Variants in VWA8 observed in about 807,000 individuals in gnomAD.
The protein encoded by VWA8 is von Willebrand factor A domain containing 8.
Under a neutral mutation model 241.5 loss-of-function variants are expected in VWA8, and 221 were observed. That is an observed-to-expected ratio of 0.91 (90% CI 0.82 to 1.02). VWA8 has a LOEUF of 1.02. VWA8 is among the 50% of genes least tolerant of loss of function. The pLI is 0.00. For missense variants in VWA8, 2,322 were observed against 2,328.7 expected, an observed-to-expected ratio of 1.00 and a Z score of 0.06; for synonymous variants, 852 against 827.1, an observed-to-expected ratio of 1.03 and a Z score of -0.52.
chr13:41,694,577 T>G (rs1403286090), intron 29 of VWA8, among the ~76,000 whole-genome samples: 2 of 152,068 alleles, frequency 1.3e-5, no homozygotes, highest in Non-Finnish European at 1.5e-5. Flanking sequence ...AGTTAAAAAT[T>G]TATAATCTCT....
chr13:41,618,856 A>G (rs946075294), intron 37 of VWA8, among the ~76,000 whole-genome samples: 1 of 152,204 alleles, frequency 6.6e-6, no homozygotes, highest in African/African-American at 2.4e-5. Flanking sequence ...TACCAGTACC[A>G]TGCTGTTTTG....
At chr13:41,718,972 C>A (rs936368057) in intron 26 of VWA8, among the ~76,000 whole-genome samples, 21 of 151,838 alleles carry the variant, frequency 1.4e-4, no homozygotes, top group African/African-American at 4.6e-4. Flanking sequence ...CTTAATTACT[C>A]TACTAAAAAA....
At chr13:41,695,131 G>A (rs1320858136) in intron 29 of VWA8, among the ~76,000 whole-genome samples, 5 of 152,074 alleles carry the variant, frequency 3.3e-5, no homozygotes, top group South Asian at 2.1e-4. Flanking sequence ...GGGAGGAGAC[G>A]CGAGTGAGCA....
At chr13:41,619,329 G>A (rs2139666141) in intron 37 of VWA8, among the ~76,000 whole-genome samples, 1 of 152,344 alleles carries the variant, frequency 6.6e-6, no homozygotes, top group East Asian at 1.9e-4. Context: ...TGTAACCTGA[G>A]ACTTTGCTGA....
intron 22 of VWA8, among the ~76,000 whole-genome samples, chr13:41,730,291 G>C (rs958773141): frequency 6.6e-6 from 1 of 152,026 alleles, no homozygotes; most frequent in Non-Finnish European, 1.5e-5. Flanking sequence ...GGGTAGACTG[G>C]GTGTCTACCA....
chr13:41,913,328 C>T (rs534480900), intron 2 of VWA8, among the ~76,000 whole-genome samples: 1 of 152,228 alleles, frequency 6.6e-6, no homozygotes, highest in South Asian at 2.1e-4. Flanking sequence ...TTATGTATAG[C>T]TTCAAGGATA....
intron 4 of VWA8, among the ~76,000 whole-genome samples, chr13:41,893,457 T>TAAAAAAGAAAAAAAAA: frequency 6.7e-6 from 1 of 149,354 alleles, no homozygotes. Context: ...TCTAGAAGCT[T>TAAAAAAGAAAAAAAAA]TATTTAAAAA....
chr13:41,727,899 G>A (rs1270349708), intron 23 of VWA8, among the ~76,000 whole-genome samples: 1 of 152,154 alleles, frequency 6.6e-6, no homozygotes, highest in Non-Finnish European at 1.5e-5. Flanking sequence ...CTTAAAATAA[G>A]TGATCTTAAG....
At chr13:41,790,827 C>T (rs1869421370) in intron 17 of VWA8, among the ~76,000 whole-genome samples, 1 of 151,772 alleles carries the variant, frequency 6.6e-6, no homozygotes, top group Non-Finnish European at 1.5e-5. Context: ...AATTGATGTT[C>T]ACTTTATAGG....
intron 42 of VWA8, 141 bp downstream of exon 42, chr13:41,587,371 A>G (rs1041957371): frequency 9.2e-7 from 1 of 1,092,022 alleles, no homozygotes; most frequent in Admixed American, 2.8e-5. Context: ...TTCAGATAAA[A>G]CAAAAGCTTC....
intron 3 of VWA8, among the ~76,000 whole-genome samples, chr13:41,910,365 T>C (rs1480061680): frequency 6.6e-6 from 1 of 152,002 alleles, no homozygotes; most frequent in Non-Finnish European, 1.5e-5. Flanking sequence ...GGCAGATGGA[T>C]CACAAGGTCA....
chr13:41,583,842 AT>A (rs1374895283), intron 42 of VWA8, among the ~76,000 whole-genome samples: 2 of 152,132 alleles, frequency 1.3e-5, no homozygotes, highest in Non-Finnish European at 2.9e-5. Context: ...GGGGACAATT[AT>A]AAAAGATATT....
chr13:41,884,221 G>A lies in VWA8; in HGVS notation c.976-730C>T, dbSNP rs1166234732. 3.3e-5 allele frequency among the ~76,000 whole-genome samples: 5 copies of A among 152,126 alleles called. No individual in the cohort carries two copies. In the East Asian group the frequency reaches 7.7e-4, roughly 23 times the overall value. ...GAATTGTAGCTCCCACAATCCCCAC[G>A]TGTCATGGGAGGGACCCAGTGGGAG... On this transcript the variant is annotated intron_variant, in intron 8 of 44. Coordinates refer to ENST00000379310, the MANE Select transcript of VWA8 (RefSeq NM_015058.2).
chr13:41,800,682 A>C lies in VWA8; in HGVS notation c.2063+10543T>G, dbSNP rs547647852. ...GTGATGGGTGCCTGTAGTCCCAGCT[A>C]CTCGGGAGGCTGAGGCAGGAGAATG... On this transcript the variant is annotated intron_variant, in intron 17 of 44. Coordinates refer to ENST00000379310, the MANE Select transcript of VWA8 (RefSeq NM_015058.2). Among the ~76,000 whole-genome samples the C allele has an allele frequency of 2.0e-5, 3 of 150,956 alleles. No individual in the cohort carries two copies. The East Asian group carries it at 5.9e-4, about 29-fold the overall frequency.
chr13:41,785,707 C>G (rs1231658896), intron 18 of VWA8, among the ~76,000 whole-genome samples: 2 of 152,086 alleles, frequency 1.3e-5, no homozygotes, highest in South Asian at 2.1e-4. Flanking sequence ...CTTTTGTTTA[C>G]AAGTTCTACA....
chr13:41,941,644 C>G (rs1877603315), intron 2 of VWA8, among the ~76,000 whole-genome samples: 1 of 152,184 alleles, frequency 6.6e-6, no homozygotes, highest in African/African-American at 2.4e-5. Flanking sequence ...ATAGCAGCCC[C>G]TAGTAATCCC....
intron 17 of VWA8, among the ~76,000 whole-genome samples, chr13:41,800,949 C>T (rs913208118): frequency 4.6e-5 from 7 of 151,852 alleles, no homozygotes; most frequent in African/African-American, 7.3e-5. Context: ...GACAGAAATG[C>T]GTCCCTTAAT....
chr13:41,895,292 T>C (rs1289307058), intron 4 of VWA8, among the ~76,000 whole-genome samples: 1 of 152,152 alleles, frequency 6.6e-6, no homozygotes, highest in Non-Finnish European at 1.5e-5. Flanking sequence ...ATTTGAAAAT[T>C]GCATGGCTAA....
At chr13:41,580,064 A>C (rs1413323035) in intron 42 of VWA8, among the ~76,000 whole-genome samples, 1 of 150,434 alleles carries the variant, frequency 6.6e-6, no homozygotes, top group Non-Finnish European at 1.5e-5. Flanking sequence ...TACATTGCAC[A>C]TGCTGGTTTT....
Sources: gnomAD v4.1 joint callset for allele counts (sites outside exome capture counted in the v4.1 genomes callset) on GRCh38, gnomAD v4.1.1 for gene constraint, MANE v1.5 for transcripts, NCBI Gene and HGNC (gene_info 2026-07-23, HGNC 2026-07-21) for gene names.